Variants in TSPAN14 observed in about 807,000 individuals in gnomAD.
TSPAN14 encodes the protein tetraspanin 14, also known as tetraspanin-14.
A neutral mutation model predicts 36.6 loss-of-function variants in TSPAN14; 16 were observed. The observed-to-expected ratio is 0.44, with a 90% CI of 0.30 to 0.66. The LOEUF (loss-of-function observed/expected upper bound fraction) is 0.66, where lower values mean the gene tolerates loss of function less well. Ranked by LOEUF, TSPAN14 falls within the 30% of genes least tolerant of loss-of-function variation. TSPAN14 has a pLI of 0.12. For missense variants in TSPAN14, 231 were observed against 355.1 expected, an observed-to-expected ratio of 0.65 and a Z score of 2.81; for synonymous variants, 139 against 143.8, an observed-to-expected ratio of 0.97 and a Z score of 0.24.
intron 4 of TSPAN14, among the ~76,000 whole-genome samples, chr10:80,508,712 A>AG (rs1207414187): frequency 1.3e-5 from 2 of 152,216 alleles, no homozygotes; most frequent in Admixed American, 6.5e-5. Context: ...AGAGCCCTGC[A>AG]GGGAACTCAC....
At chr10:80,465,066 GT>G (rs1470851262) in intron 1 of TSPAN14, among the ~76,000 whole-genome samples, 3 of 152,124 alleles carry the variant, frequency 2.0e-5, no homozygotes, top group African/African-American at 7.2e-5. Context: ...TCAAGTCCCT[GT>G]GCTTGCCTGG....
intron 1 of TSPAN14, among the ~76,000 whole-genome samples, chr10:80,462,466 A>T (rs913180434): frequency 6.6e-6 from 1 of 152,162 alleles, no homozygotes; most frequent in African/African-American, 2.4e-5. Context: ...TGGTCTGGCC[A>T]GTCCTGGTTC....
chr10:80,465,658 C>A (rs1846199748), intron 1 of TSPAN14, among the ~76,000 whole-genome samples: 1 of 152,166 alleles, frequency 6.6e-6, no homozygotes, highest in Non-Finnish European at 1.5e-5. Flanking sequence ...CTGTTTTGGG[C>A]CACTGAGGTG....
intron 3 of TSPAN14, among the ~76,000 whole-genome samples, chr10:80,506,815 C>T (rs1306433209): frequency 1.3e-5 from 2 of 152,232 alleles, no homozygotes; most frequent in Non-Finnish European, 2.9e-5. Context: ...CATATTGAGG[C>T]TGTTTTCATC....
At chr10:80,475,345 T>G (rs1026787120) in intron 1 of TSPAN14, among the ~76,000 whole-genome samples, 3 of 152,066 alleles carry the variant, frequency 2.0e-5, no homozygotes, top group African/African-American at 7.2e-5. Flanking sequence ...AGAGGGAGGA[T>G]CTCTTGAGCC....
At chr10:80,496,397 C>T (rs1485761331) in intron 2 of TSPAN14, among the ~76,000 whole-genome samples, 1 of 152,188 alleles carries the variant, frequency 6.6e-6, no homozygotes. Flanking sequence ...TGTGTCTCCT[C>T]CCACCTCCAG....
At position 80,487,382 on chromosome 10, in the gene TSPAN14, C is replaced by T. The variant is rs566156064; in HGVS notation, c.-17-1835C>T. On this transcript the variant is annotated intron_variant, in intron 1 of 8. Transcript: ENST00000429989. ...AAGGCTCCAACGCAGACCTTCTTAC[C>T]AGAACCTTGTGTTGGGGGCTGGGAT... Among the ~76,000 whole-genome samples the T allele has an allele frequency of 3.9e-5, 6 of 152,194 alleles. No individual in the cohort carries two copies. In the East Asian group the frequency reaches 5.8e-4, roughly 15 times the overall value.
intron 1 of TSPAN14, among the ~76,000 whole-genome samples, chr10:80,470,769 G>A (rs1181163768): frequency 6.6e-6 from 1 of 152,190 alleles, no homozygotes; most frequent in African/African-American, 2.4e-5. Context: ...GTTCAGGAGT[G>A]GCTCCCACCC....
exon 9 of TSPAN14, chr10:80,520,981 G>A (rs912329141): frequency 2.5e-6 from 1 of 404,698 alleles, no homozygotes; most frequent in Non-Finnish European, 4.9e-6. Context: ...GGGCAGGGCT[G>A]TGGGCTGGGC....
At chr10:80,495,450 A>T (rs1484196272) in intron 2 of TSPAN14, among the ~76,000 whole-genome samples, 1 of 151,998 alleles carries the variant, frequency 6.6e-6, no homozygotes, top group African/African-American at 2.4e-5. Flanking sequence ...CAGAAACTCC[A>T]CTAGAACTTA....
At chr10:80,474,160 C>G (rs751090939) in intron 1 of TSPAN14, among the ~76,000 whole-genome samples, 1 of 152,024 alleles carries the variant, frequency 6.6e-6, no homozygotes, top group African/African-American at 2.4e-5. Flanking sequence ...ATGTGGCTGC[C>G]CTTCCTTGGG....
At chr10:80,507,503 A>C in intron 4 of TSPAN14, 129 bp downstream of exon 4, 1 of 1,270,072 alleles carries the variant, frequency 7.9e-7, no homozygotes, top group Non-Finnish European at 1.1e-6. Flanking sequence ...CCTGCCTGGG[A>C]GCAGGAGGCA....
At chr10:80,458,288 A>T (rs1845821709) in intron 1 of TSPAN14, among the ~76,000 whole-genome samples, 1 of 152,196 alleles carries the variant, frequency 6.6e-6, no homozygotes. Context: ...GTGTGGGGCT[A>T]GATCCCTGGT....
chr10:80,480,848 T>C (rs1164278190), intron 1 of TSPAN14, among the ~76,000 whole-genome samples: 1 of 152,094 alleles, frequency 6.6e-6, no homozygotes, highest in East Asian at 1.9e-4. Flanking sequence ...AGTTAATGGG[T>C]GCAGCACACC....
At chr10:80,466,640 C>G (rs1846266184) in intron 1 of TSPAN14, 1 of 152,190 alleles carries the variant, frequency 6.6e-6, no homozygotes, top group Admixed American at 6.5e-5. Context: ...CATTGAAACA[C>G]CCCCACTTTG....
chr10:80,518,074 C>T, exon 9 of TSPAN14: 2 of 1,235,200 alleles, frequency 1.6e-6, no homozygotes, highest in East Asian at 5.1e-5. Context: ...CCGACACCCC[C>T]AGAGCCAGTG....
intron 1 of TSPAN14, among the ~76,000 whole-genome samples, chr10:80,462,281 G>A (rs566394827): frequency 1.4e-5 from 2 of 147,536 alleles, no homozygotes; most frequent in Admixed American, 6.8e-5. Flanking sequence ...TGGTCTGGGC[G>A]GTCTTTGAGC....
chr10:80,520,378 C>T (rs189179184), exon 9 of TSPAN14: 14 of 394,182 alleles, frequency 3.6e-5, no homozygotes, highest in Admixed American at 1.3e-4. Flanking sequence ...GGATGAGAGC[C>T]GGTCACGTGG....
intron 1 of TSPAN14, chr10:80,485,685 G>C: frequency 3.0e-6 from 3 of 985,462 alleles, no homozygotes; most frequent in Non-Finnish European, 3.6e-6. Context: ...CAACACAGCA[G>C]AGAGGGACAG....
Sources: allele counts gnomAD v4.1 joint callset (sites outside exome capture counted in the v4.1 genomes callset), GRCh38; gene constraint gnomAD v4.1.1; transcripts MANE v1.5; gene names NCBI Gene and HGNC (gene_info 2026-07-23, HGNC 2026-07-21).